Variants in ZNF790 observed in about 807,000 individuals in gnomAD.
ZNF790 encodes the protein zinc finger protein 790.
In ZNF790, 8 loss-of-function variants were observed where a neutral mutation model predicts 12.1. The ratio of observed to expected loss-of-function variants is 0.66; its 90% confidence interval spans 0.39 to 1.19. ZNF790 has a LOEUF of 1.19. Among genes scored for constraint, ZNF790 ranks in the 50% most tolerant of loss-of-function variants. The pLI, the probability that ZNF790 is intolerant of heterozygous loss-of-function variation, is 0.01. For missense variants in ZNF790, 707 were observed against 752.2 expected, an observed-to-expected ratio of 0.94 and a Z score of 0.70; for synonymous variants, 252 against 244.3, an observed-to-expected ratio of 1.03 and a Z score of -0.29.
At chr19:36,841,102 T>C (rs1340007680), upstream of ZNF790, among the ~76,000 whole-genome samples, 1 of 152,200 alleles carries the variant, frequency 6.6e-6, no homozygotes, top group Non-Finnish European at 1.5e-5. Flanking sequence ...GTGATTTTGT[T>C]CTCCAGGAGA....
chr19:36,841,885 AT>A (rs201434175), upstream of ZNF790, among the ~76,000 whole-genome samples: 2 of 148,480 alleles, frequency 1.3e-5, no homozygotes, highest in South Asian at 2.2e-4. Flanking sequence ...AGTTATTATT[AT>A]TTTTTTTTGT....
chr19:36,831,562 C>T (rs1231654320), intron 1 of ZNF790, among the ~76,000 whole-genome samples: 3 of 152,124 alleles, frequency 2.0e-5, no homozygotes, highest in East Asian at 1.9e-4. Context: ...CATCTCTAGG[C>T]GCATAAGATC....
chr19:36,842,021 CTT>C, upstream of ZNF790, among the ~76,000 whole-genome samples: 1 of 152,150 alleles, frequency 6.6e-6, no homozygotes, highest in African/African-American at 2.4e-5. Context: ...GCCTATAAAA[CTT>C]TTTTAGGAAC....
In ZNF790 at chr19:36,818,853, C is replaced by CA; in HGVS notation, c.1490_1491insT (p.Gln497HisfsTer11). ...ATGGCCTCTTTCCAGTATGAATTTT[C>CA]TGGTGTCGATTAAGTTCTGAACCAC... is the stretch of plus-strand genomic sequence containing the variant. On this transcript the variant is annotated frameshift_variant, in exon 5 of 5. Transcript: ENST00000356725. LOFTEE classifies it low-confidence loss of function (END_TRUNC). 1 of 1,613,648 alleles carries CA rather than the reference C, an allele frequency of 6.2e-7. No individual in the cohort carries two copies. Among genetic ancestry groups the CA allele is most frequent in the South Asian group, 1.1e-5 (1 of 91,056 alleles).
chr19:36,844,940 T>C (rs1282436110), intron 1 of ZNF790, among the ~76,000 whole-genome samples: 23 of 137,894 alleles, frequency 1.7e-4, no homozygotes, highest in Non-Finnish European at 2.5e-4. Context: ...CCCAGCTACT[T>C]GGGAGGCTGA....
At chr19:36,828,094 A>G (rs1379448822) in intron 1 of ZNF790, 3 of 152,182 alleles carry the variant, frequency 2.0e-5, no homozygotes, top group Non-Finnish European at 4.4e-5. Flanking sequence ...ACTAAAATAT[A>G]TTTTGTGTTT....
chr19:36,846,719 G>C (rs2072184251), intron 1 of ZNF790, among the ~76,000 whole-genome samples: 1 of 152,200 alleles, frequency 6.6e-6, no homozygotes, highest in Non-Finnish European at 1.5e-5. Flanking sequence ...TGTTCTAACT[G>C]CATTTCCTTA....
chr19:36,839,978 G>A (rs1327017205), upstream of ZNF790, among the ~76,000 whole-genome samples: 6 of 152,072 alleles, frequency 3.9e-5, no homozygotes, highest in Non-Finnish European at 7.4e-5. Context: ...CAGGAGAATC[G>A]CTTGAACCCA....
At chr19:36,836,661 G>A (rs1223118473) in intron 1 of ZNF790, among the ~76,000 whole-genome samples, 1 of 148,950 alleles carries the variant, frequency 6.7e-6, no homozygotes, top group Non-Finnish European at 1.5e-5. Context: ...GGAGGCTGAG[G>A]CAGGAGAATC....
upstream of ZNF790, chr19:36,838,399 A>C (rs1228290273): frequency 6.6e-6 from 1 of 152,302 alleles, no homozygotes; most frequent in Non-Finnish European, 1.5e-5. This position sits in a 1 kb window ranked among gnomAD's most constrained non-coding sequence, Gnocchi z 4.4. Flanking sequence ...CTAAAGGGAC[A>C]GAGGGCTGAC....
chr19:36,827,750 CAGAG>C (rs1024146973), intron 1 of ZNF790: 1 of 152,074 alleles, frequency 6.6e-6, no homozygotes, highest in African/African-American at 2.4e-5. Flanking sequence ...TCAAGGAACA[CAGAG>C]AGGAAAGACA....
Position 36,819,773 on chromosome 19 carries a change from T to A in ZNF790, c.571A>T (p.Ile191Phe), listed in dbSNP as rs748079750. The part of the protein sequence containing the change: ...SGSDHTQHQL[I>F]HTSEKFCGDK... Reference sequence around the variant, plus strand: ...CCACAGAATTTCTCACTTGTGTGAATTAACTGATGTTGAGTATGATCTGAA... The same window carrying A: ...CCACAGAATTTCTCACTTGTGTGAAATAACTGATGTTGAGTATGATCTGAA... The change falls in exon 5 of 5, where the codon ATT (isoleucine) becomes TTT (phenylalanine). Residue 191 changes from isoleucine to phenylalanine, a missense_variant. By Grantham distance (21) the Ile-to-Phe change is conservative. Transcript: ENST00000356725. 1.9e-6 allele frequency: 3 copies of A among 1,612,970 alleles called. No homozygotes were observed. Among genetic ancestry groups the A allele is most frequent in the Middle Eastern group, 3.3e-4 (2 of 6,050 alleles).
intron 4 of ZNF790, among the ~76,000 whole-genome samples, 196 bp downstream of exon 4, chr19:36,823,089 G>A (rs1247442871): frequency 6.6e-6 from 1 of 152,026 alleles, no homozygotes; most frequent in Admixed American, 6.6e-5. Flanking sequence ...ATGTTGCCCA[G>A]GCTGGTCTTA....
Position 36,825,623 on chromosome 19 carries a change from T to C in ZNF790, c.-4A>G. 2 of 1,614,124 alleles carry C rather than the reference T, an allele frequency of 1.2e-6. No homozygotes were observed. The highest frequency in any genetic ancestry group is 1.7e-6 in the Non-Finnish European group (2 of 1,179,970). On this transcript the variant is annotated 5_prime_UTR_variant, in exon 2 of 5. Coordinates refer to ENST00000356725, the MANE Select transcript of ZNF790 (RefSeq NM_206894.4). ...AATTCCAACTCACATGGGCCATGACTTAACATTCCAAGTCCACCAGTCCTT... is the reference window on the plus strand; with the variant it reads ...AATTCCAACTCACATGGGCCATGACCTAACATTCCAAGTCCACCAGTCCTT...
Position 36,818,685 on chromosome 19 carries a change from C to T in ZNF790, c.1659G>A (p.Lys553=), listed in dbSNP as rs1242699100. ...AAGGTTCTGCATCAGTATGAATTTT[C>T]TTATGTCGTGTAAGCTGTGAACCCC... ...FIWGSQLTRH[K]KIHTDAEPYG... is the part of the protein sequence containing the mutation. Residue 553 remains lysine (K), a synonymous_variant, in exon 5 of 5, where the codon AAG becomes AAA. Transcript: ENST00000356725. 1 of 1,613,572 alleles carries T rather than the reference C, an allele frequency of 6.2e-7. No homozygotes were observed. Among genetic ancestry groups the T allele is most frequent in the Admixed American group, 1.7e-5 (1 of 59,860 alleles).
In ZNF790 at chr19:36,819,009, A is replaced by G; in HGVS notation, c.1335T>C (p.Asn445=). The part of the protein sequence containing the change: ...SYLAQHEKIH[N]ERKSYECKEC... The stretch of plus-strand genomic sequence containing the variant: ...CCTTACATTCATAGGATTTCCTCTC[A>G]TTGTGAATTTTCTCATGTTGAGCAA... Residue 445 remains asparagine, a synonymous_variant, in exon 5 of 5, where the codon AAT becomes AAC. Transcript: ENST00000356725. The G allele has an allele frequency of 3.1e-6, 5 of 1,614,116 alleles. No individual in the cohort carries two copies. The highest frequency in any genetic ancestry group is 4.2e-6 in the Non-Finnish European group (5 of 1,180,030).
chr19:36,823,871 C>A, intron 2 of ZNF790, 81 bp from the exon 3 acceptor site: 2 of 1,357,128 alleles, frequency 1.5e-6, no homozygotes, highest in Middle Eastern at 2.1e-4. Context: ...AGGGGAAAGG[C>A]TGGAAAGGGG....
intron 4 of ZNF790, among the ~76,000 whole-genome samples, chr19:36,822,261 A>T (rs553935609): frequency 2.0e-5 from 3 of 151,878 alleles, no homozygotes; most frequent in Admixed American, 6.5e-5. Flanking sequence ...TGGGTAAAAT[A>T]AAAAAATGAG....
intron 4 of ZNF790, among the ~76,000 whole-genome samples, chr19:36,821,573 T>TA (rs1555714652): frequency 6.6e-6 from 1 of 151,750 alleles, no homozygotes; most frequent in East Asian, 1.9e-4. Flanking sequence ...GAGTTTGTCT[T>TA]TTTATTTATT....
Sources: allele counts gnomAD v4.1 joint callset (sites outside exome capture counted in the v4.1 genomes callset), GRCh38; gene constraint gnomAD v4.1.1; non-coding constraint Gnocchi (gnomAD v3.1); transcripts MANE v1.5; gene names NCBI Gene and HGNC (gene_info 2026-07-23, HGNC 2026-07-21).